The following UBASH3A variants were observed in gnomAD, a reference collection of about 807,000 sequenced individuals.
UBASH3A encodes ubiquitin-associated and SH3 domain-containing protein A.
A neutral mutation model predicts 73.5 loss-of-function variants in UBASH3A; 63 were observed. The ratio of observed to expected loss-of-function variants is 0.86; its 90% confidence interval spans 0.70 to 1.06. UBASH3A has a LOEUF of 1.06. Ranked by LOEUF, UBASH3A falls within the 50% of genes least tolerant of loss-of-function variation. The pLI is 0.00. For synonymous variants in UBASH3A, 363 were observed against 351.1 expected, an observed-to-expected ratio of 1.03 and a Z score of -0.38; for missense variants, 860 against 859.0, an observed-to-expected ratio of 1.00 and a Z score of -0.02.
intron 9 of UBASH3A, among the ~76,000 whole-genome samples, chr21:42,433,826 C>G (rs1030111473): frequency 6.6e-6 from 1 of 152,170 alleles, no homozygotes; most frequent in African/African-American, 2.4e-5. Flanking sequence ...CTGCCCCCCA[C>G]TGCCCCCTGA....
chr21:42,409,952 G>A (rs2053056584), intron 3 of UBASH3A, among the ~76,000 whole-genome samples: 1 of 152,094 alleles, frequency 6.6e-6, no homozygotes, highest in Non-Finnish European at 1.5e-5. Context: ...TCCCTCACCA[G>A]ACCGAGTCCC....
At chr21:42,439,226 GA>G (rs1213479152) in intron 11 of UBASH3A, among the ~76,000 whole-genome samples, 1 of 152,284 alleles carries the variant, frequency 6.6e-6, no homozygotes, top group South Asian at 2.1e-4. Context: ...ACGAGGCACA[GA>G]AATCCATTGT....
rs202219632 is a variant in UBASH3A at position 42,444,608 on chromosome 21, C to T, written c.1813C>T (p.Arg605Trp). 7.0e-5 allele frequency: 113 copies of T among 1,614,074 alleles called. No homozygotes were observed. Among genetic ancestry groups the T allele is most frequent in the Middle Eastern group, 1.6e-4 (1 of 6,084 alleles). ...CTRPLLGLPP[R>W]ECGDFAQLVR... ...GCGGCCACTGCTCGGGCTGCCGCCCCGGGAATGTGGGGATTTTGCCCAACT... is the reference window on the plus strand; with the variant it reads ...GCGGCCACTGCTCGGGCTGCCGCCCTGGGAATGTGGGGATTTTGCCCAACT... Residue 605 changes from arginine (R) to tryptophan (W), a missense_variant, in exon 14 of 15, where the codon CGG (arginine) becomes TGG (tryptophan). By Grantham distance (101) the Arg-to-Trp change is moderately radical (BLOSUM62 -3). Transcript: ENST00000319294.
At chr21:42,417,094 A>G (rs1460688205) in intron 6 of UBASH3A, among the ~76,000 whole-genome samples, 1 of 152,184 alleles carries the variant, frequency 6.6e-6, no homozygotes, top group Non-Finnish European at 1.5e-5. Flanking sequence ...TGTGAGTTAG[A>G]GATGCACAGA....
At chr21:42,434,245 T>G (rs17177961) in intron 9 of UBASH3A, among the ~76,000 whole-genome samples, 16,929 of 152,200 alleles carry the variant, frequency 0.11, 1,036 homozygotes, top group East Asian at 0.19. Flanking sequence ...GAGATGGTGA[T>G]GCCAGGATTT....
chr21:42,413,124 C>T lies in UBASH3A; in HGVS notation c.455C>T (p.Ser152Phe). The T allele has an allele frequency of 6.2e-7, 1 of 1,614,226 alleles. No individual in the cohort carries two copies. Among genetic ancestry groups the T allele is most frequent in the Non-Finnish European group, 8.5e-7 (1 of 1,180,038 alleles). ...FPTAVPLALH[S>F]SISYLGFFVS... ...ACGGCCGTGCCTCTGGCTCTCCACTCCTCCATCAGCTACCTCGGCTTCTTC... is the reference window on the plus strand; with the variant it reads ...ACGGCCGTGCCTCTGGCTCTCCACTTCTCCATCAGCTACCTCGGCTTCTTC... The change falls in exon 4 of 15, where the codon TCC becomes TTC. Residue 152 changes from serine (S) to phenylalanine (F), a missense_variant. Ser to Phe is a radical substitution (Grantham distance 155). Transcript: ENST00000319294. The surrounding 1 kb of genome is among the most constrained non-coding windows in gnomAD (Gnocchi z 4.5).
rs949459099 is a variant in UBASH3A at position 42,437,735 on chromosome 21, C to A, written c.1486+155C>A. ...AGTACGAGCCAGCCCTCCAAGGATG[C>A]TGGCAGGCATGCTGGGTCCGTGAGC... On this transcript the variant is annotated intron_variant, in intron 11 of 14. Coordinates refer to ENST00000319294, the MANE Select transcript of UBASH3A (RefSeq NM_018961.4). 3.1e-5 allele frequency: 21 copies of A among 683,566 alleles called. No individual in the cohort carries two copies. The East Asian group carries it at 5.1e-4, about 17-fold the overall frequency. The allele number at this position is 683,566 out of a possible 1,614,324, so 42.3% of individuals were successfully genotyped here.
intron 9 of UBASH3A, among the ~76,000 whole-genome samples, chr21:42,432,494 C>T (rs145850085): frequency 7.1e-6 from 1 of 140,952 alleles, no homozygotes; most frequent in Non-Finnish European, 1.5e-5. Context: ...TCTTGCACAC[C>T]CCAGCTTTTC....
At chr21:42,426,965 C>A in intron 8 of UBASH3A, 145 bp downstream of exon 8, 1 of 1,027,286 alleles carries the variant, frequency 9.7e-7, no homozygotes, top group Non-Finnish European at 1.4e-6. Flanking sequence ...AGCAAGGGGG[C>A]CTCCCAGGTC....
At position 42,443,344 on chromosome 21, in the gene UBASH3A, C is replaced by A. The variant is rs201641790; in HGVS notation, c.1664C>A (p.Ala555Asp). Residue 555 changes from alanine (A) to aspartate (D), a missense_variant, in exon 13 of 15, where the codon GCC becomes GAC. By Grantham distance (126) the Ala-to-Asp change is moderately radical. Transcript: ENST00000319294. ...PAFPLSALMP[A>D]ESYQEYMDRC... ...TTTCCCCTGTCCGCCCTCATGCCGG[C>A]CGAGAGCTACCAGGAGTACATGGAC... 31 of 1,613,404 alleles carry A rather than the reference C, an allele frequency of 1.9e-5. 1 individual carries two copies. In the East Asian group the frequency reaches 6.9e-4, roughly 36 times the overall value.
chr21:42,427,235 C>G (rs78992177), intron 8 of UBASH3A, among the ~76,000 whole-genome samples: 2 of 152,176 alleles, frequency 1.3e-5, no homozygotes, highest in Non-Finnish European at 2.9e-5. Context: ...CAGGGCACCC[C>G]GAGCTGGCCA....
At chr21:42,439,681 C>T (rs1317156564) in intron 11 of UBASH3A, among the ~76,000 whole-genome samples, 3 of 145,888 alleles carry the variant, frequency 2.1e-5, no homozygotes, top group Admixed American at 6.8e-5. Context: ...CACCACACGC[C>T]ACACACACAC....
intron 7 of UBASH3A, among the ~76,000 whole-genome samples, chr21:42,425,665 G>C (rs1258061674): frequency 6.6e-6 from 1 of 152,062 alleles, no homozygotes; most frequent in African/African-American, 2.4e-5. Context: ...AGACAGGGCA[G>C]GTAATAGTGT....
rs772072297 is a variant in UBASH3A at position 42,413,228 on chromosome 21, C to A, written c.553+6C>A. 8.7e-6 allele frequency: 14 copies of A among 1,614,076 alleles called. No homozygotes were observed. The highest frequency in any genetic ancestry group is 1.2e-5 in the Non-Finnish European group (14 of 1,179,974). ...GGAAGCATCTCTCTTAGCAGGTGGG[C>A]AGCCCTGGCCAGTTGCAAACACAGG... On this transcript the variant is annotated splice_donor_region_variant and intron_variant, in intron 4 of 14. Coordinates refer to ENST00000319294, the MANE Select transcript of UBASH3A (RefSeq NM_018961.4). The surrounding 1 kb of genome is among the most constrained non-coding windows in gnomAD (Gnocchi z 4.5).
rs1482270817 is a variant in UBASH3A, at chr21:42,418,485, A to G, written c.922A>G (p.Thr308Ala). The G allele has an allele frequency of 6.2e-7, 1 of 1,614,256 alleles. No homozygotes were observed. Among genetic ancestry groups the G allele is most frequent in the Admixed American group, 1.7e-5 (1 of 60,038 alleles). ...SPGDYIFVDP[T>A]QQDEASEGWV... ...TGGTGACTACATCTTTGTGGACCCC[A>G]CGCAGCAGGACGAAGCCAGCGAGGG... Residue 308 changes from threonine to alanine, a missense_variant, in exon 7 of 15, where the codon ACG (threonine) becomes GCG (alanine). Coordinates refer to ENST00000319294, the MANE Select transcript of UBASH3A (RefSeq NM_018961.4).
rs1289615532 is a variant in UBASH3A at position 42,439,951 on chromosome 21, GAC to G, written c.1486+2378_1486+2379del. Among the ~76,000 whole-genome samples, 12 of 84,034 alleles carry G rather than the reference GAC, an allele frequency of 1.4e-4. No individual in the cohort carries two copies. The Admixed American group carries it at 1.6e-3, about 11-fold the overall frequency. The allele number at this position is 84,034 out of a possible 152,430, so 55.1% of individuals were successfully genotyped here. A position where few individuals can be genotyped will look rare whatever the true frequency, so the allele number is the denominator to read the frequency against. On this transcript the variant is annotated intron_variant, in intron 11 of 14. Transcript: ENST00000319294. ...ACACACATACACACACCACACACACGACACACACCACACATCCACACACACAC... is the reference window on the plus strand; with the variant it reads ...ACACACATACACACACCACACACACGACACACCACACATCCACACACACAC...
Position 42,443,334 on chromosome 21 carries a change from C to A in UBASH3A, c.1654C>A (p.Leu552Ile), listed in dbSNP as rs764697571. Residue 552 changes from leucine (L) to isoleucine (I), a missense_variant, in exon 13 of 15, where the codon CTC becomes ATC. Physicochemically the swap from Leu to Ile is conservative, Grantham distance 5. Coordinates refer to ENST00000319294, the MANE Select transcript of UBASH3A (RefSeq NM_018961.4). ...CAGGCCCGCGTTTCCCCTGTCCGCC[C>A]TCATGCCGGCCGAGAGCTACCAGGA... ...DYRPAFPLSA[L>I]MPAESYQEYM... 2 of 1,613,284 alleles carry A rather than the reference C, an allele frequency of 1.2e-6. No homozygotes were observed. Among genetic ancestry groups the A allele is most frequent in the African/African-American group, 2.7e-5 (2 of 74,866 alleles).
At chr21:42,430,595 G>A (rs186841393) in intron 8 of UBASH3A, among the ~76,000 whole-genome samples, 365 of 152,236 alleles carry the variant, frequency 2.4e-3, no homozygotes, top group Non-Finnish European at 4.1e-3. Flanking sequence ...ATCCCTGGTC[G>A]CCTGGGCTCC....
At chr21:42,438,690 G>C (rs1483372760) in intron 11 of UBASH3A, among the ~76,000 whole-genome samples, 1 of 152,172 alleles carries the variant, frequency 6.6e-6, no homozygotes, top group Non-Finnish European at 1.5e-5. Context: ...GCCGAGCACG[G>C]GGGAGGTGAG....
Sources: allele counts gnomAD v4.1 joint callset (sites outside exome capture counted in the v4.1 genomes callset), GRCh38; gene constraint gnomAD v4.1.1; non-coding constraint Gnocchi (gnomAD v3.1); transcripts MANE v1.5; gene names NCBI Gene and HGNC (gene_info 2026-07-23, HGNC 2026-07-21).